The following CTNNA2 variants were observed in gnomAD, a reference collection of about 807,000 sequenced individuals.
The protein encoded by CTNNA2 is catenin alpha-2.
CTNNA2 carries 42 observed loss-of-function variants against 101.0 expected under a neutral mutation model. The ratio of observed to expected loss-of-function variants is 0.42; its 90% CI spans 0.32 to 0.54. The LOEUF is 0.54. Ranked by LOEUF, CTNNA2 falls within the 20% of genes least tolerant of loss-of-function variation. The probability of loss-of-function intolerance (pLI) is 0.14; values close to 1 mark genes in which losing one functional copy is unlikely to be tolerated. For missense variants in CTNNA2, 871 were observed against 1,223.1 expected, an observed-to-expected ratio of 0.71 and a Z score of 4.29; for synonymous variants, 450 against 456.4, an observed-to-expected ratio of 0.99 and a Z score of 0.18.
At position 80,591,468 on chromosome 2, in the gene CTNNA2, T is replaced by TTTTTTTTTTTTTTTTTTTG. The variant is rs1187043203; in HGVS notation, c.2189+1993_2189+1994insTTTTTTTTGTTTTTTTTTT. On this transcript the variant is annotated intron_variant, in intron 15 of 18. Transcript: ENST00000402739. Reference sequence around the variant, plus strand: ...CATCTGCACAGCCTGTTTTTTTTTTTTTTTTTTTTTGCAAACAGACAGCTG... The same window carrying TTTTTTTTTTTTTTTTTTTG: ...CATCTGCACAGCCTGTTTTTTTTTTTTTTTTTTTTTTTTTTTTTGTTTTTTTTTTGCAAACAGACAGCTG... Among the ~76,000 whole-genome samples, 2 of 146,388 alleles carry TTTTTTTTTTTTTTTTTTTG rather than the reference T, an allele frequency of 1.4e-5. 1 individual carries two copies. Among genetic ancestry groups the TTTTTTTTTTTTTTTTTTTG allele is most frequent in the Non-Finnish European group, 3.0e-5 (2 of 66,314 alleles).
At chr2:80,296,784 A>T (rs1675784416) in intron 7 of CTNNA2, among the ~76,000 whole-genome samples, 1 of 152,130 alleles carries the variant, frequency 6.6e-6, no homozygotes, top group Non-Finnish European at 1.5e-5. Flanking sequence ...GTTTCACAGT[A>T]TCCAGACATC....
At chr2:80,530,336 T>C (rs1366627213) in intron 9 of CTNNA2, among the ~76,000 whole-genome samples, 4 of 152,262 alleles carry the variant, frequency 2.6e-5, no homozygotes, top group African/African-American at 9.6e-5. Flanking sequence ...CAGTAGCAGT[T>C]TGTGGCCCAT....
At chr2:79,622,653 T>C (rs1357742648) in intron 1 of CTNNA2, among the ~76,000 whole-genome samples, 4 of 152,176 alleles carry the variant, frequency 2.6e-5, no homozygotes, top group Non-Finnish European at 5.9e-5. Context: ...ACACAGGCCT[T>C]TCTATTTGGA....
intron 1 of CTNNA2, among the ~76,000 whole-genome samples, chr2:79,540,836 G>A (rs1673363033): frequency 1.3e-5 from 2 of 152,054 alleles, no homozygotes; most frequent in South Asian, 4.1e-4. Context: ...TGAGTACTTT[G>A]AAGTGTTGAT....
chr2:79,897,859 A>G (rs564422430), intron 6 of CTNNA2, among the ~76,000 whole-genome samples: 2 of 152,222 alleles, frequency 1.3e-5, no homozygotes, highest in Non-Finnish European at 2.9e-5. Context: ...CCCTTCCCCT[A>G]TGGAGGGGAA....
intron 3 of CTNNA2, among the ~76,000 whole-genome samples, chr2:79,840,766 CTTTTT>C (rs67401953): frequency 3.5e-5 from 5 of 143,896 alleles, no homozygotes; most frequent in Admixed American, 6.9e-5. Flanking sequence ...GACTACCTCT[CTTTTT>C]TTTTTTTTTT....
At chr2:79,868,609 TTTCCGAATTGTCAAACA>T (rs1199723679) in intron 4 of CTNNA2, among the ~76,000 whole-genome samples, 18 of 152,258 alleles carry the variant, frequency 1.2e-4, no homozygotes, top group Admixed American at 6.5e-5. Flanking sequence ...GTCATTTGTG[TTTCCGAATTGTCAAACA>T]ATGCACTGTC....
chr2:79,497,298 T>C (rs80067874), intron 4 of CTNNA2, among the ~76,000 whole-genome samples: 1,535 of 152,302 alleles, frequency 0.01, 14 homozygotes, highest in African/African-American at 0.035. Flanking sequence ...CCATCTATCA[T>C]CTTACACATT....
Position 79,420,684 on chromosome 2 carries a change from G to A in CTNNA2, c.-135+46671G>A, listed in dbSNP as rs560764002. Among the ~76,000 whole-genome samples, 185 of 152,144 alleles carry A rather than the reference G, an allele frequency of 1.2e-3. 1 individual carries two copies. The highest frequency in any genetic ancestry group is 1.8e-3 in the Non-Finnish European group (125 of 68,030). ...ATAGTAGTACCTATCTCAAAGAGTT[G>A]TTTAGAGGATTAACTGTGTTAATAA... is the stretch of plus-strand genomic sequence containing the variant. On this transcript the variant is annotated intron_variant, in intron 4 of 21. Transcript: ENST00000466387.
At chr2:79,891,454 T>C (rs1286084491) in intron 6 of CTNNA2, among the ~76,000 whole-genome samples, 2 of 152,210 alleles carry the variant, frequency 1.3e-5, no homozygotes, top group Admixed American at 6.5e-5. Context: ...AAAACATCAC[T>C]GACCAAATAC....
chr2:79,592,144 G>T (rs1676899934), intron 1 of CTNNA2, among the ~76,000 whole-genome samples: 3 of 145,954 alleles, frequency 2.1e-5, no homozygotes, highest in South Asian at 2.2e-4. Context: ...TTTTGAGATG[G>T]AATTTTGCTC....
intron 1 of CTNNA2, among the ~76,000 whole-genome samples, chr2:79,576,226 T>C (rs1675788966): frequency 6.6e-6 from 1 of 152,208 alleles, no homozygotes; most frequent in African/African-American, 2.4e-5. Context: ...CATATTTAGA[T>C]GTCTAGCTGT....
At chr2:79,684,984 A>G (rs537527733) in intron 2 of CTNNA2, among the ~76,000 whole-genome samples, 1 of 152,268 alleles carries the variant, frequency 6.6e-6, no homozygotes, top group East Asian at 1.9e-4. Context: ...CACCTACTTC[A>G]TAAGAGAGGA....
intron 7 of CTNNA2, among the ~76,000 whole-genome samples, chr2:80,068,866 G>A (rs1698148861): frequency 6.6e-6 from 1 of 152,184 alleles, no homozygotes. Context: ...AATGAGCCAT[G>A]ATGCGTGGTC....
At chr2:79,778,100 G>A (rs759422663) in intron 3 of CTNNA2, among the ~76,000 whole-genome samples, 2 of 151,950 alleles carry the variant, frequency 1.3e-5, no homozygotes, top group African/African-American at 2.4e-5. Context: ...CCAACACTTC[G>A]GGAGGCTGAG....
chr2:79,280,623 CTGTG>C (rs369268407), intron 2 of CTNNA2, among the ~76,000 whole-genome samples: 12,080 of 128,660 alleles, frequency 0.094, 593 homozygotes, highest in Admixed American at 0.15. Context: ...ATCCTGTATG[CTGTG>C]TGTGTGTGTG....
At chr2:79,565,967 A>G (rs559493868) in intron 1 of CTNNA2, among the ~76,000 whole-genome samples, 1 of 152,134 alleles carries the variant, frequency 6.6e-6, no homozygotes, top group Non-Finnish European at 1.5e-5. Context: ...TACATAGAAT[A>G]AGCAGATGAA....
At chr2:80,089,333 C>T (rs1371746309) in intron 7 of CTNNA2, among the ~76,000 whole-genome samples, 4 of 152,010 alleles carry the variant, frequency 2.6e-5, no homozygotes, top group African/African-American at 7.2e-5. Flanking sequence ...TCTCTGGAAG[C>T]CAAAGAAAGG....
chr2:79,909,529 A>G (rs1685645525), intron 6 of CTNNA2, 65 bp from the exon 7 acceptor site: 1 of 1,367,202 alleles, frequency 7.3e-7, no homozygotes, highest in Non-Finnish European at 1.0e-6. Flanking sequence ...TGGTTTCAAA[A>G]CAGGGTGCCA....
Sources: allele counts gnomAD v4.1 joint callset (sites outside exome capture counted in the v4.1 genomes callset), GRCh38; gene constraint gnomAD v4.1.1; transcripts MANE v1.5; gene names NCBI Gene and HGNC (gene_info 2026-07-23, HGNC 2026-07-21).